The following PRPF8 variants were observed in gnomAD, a reference collection of about 807,000 sequenced individuals.
PRPF8 encodes pre-mRNA-processing-splicing factor 8.
In PRPF8, 64 loss-of-function variants were observed where a neutral mutation model predicts 285.9. That is an observed-to-expected ratio of 0.22 (90% CI 0.18 to 0.28). The LOEUF is 0.28. PRPF8 is among the 10% of genes least tolerant of loss of function. The probability of loss-of-function intolerance (pLI) is 1.00; values close to 1 mark genes in which losing one functional copy is unlikely to be tolerated. For missense variants in PRPF8, 1,426 were observed against 3,026.7 expected, an observed-to-expected ratio of 0.47 and a Z score of 12.41; for synonymous variants, 1,325 against 1,118.2, an observed-to-expected ratio of 1.18 and a Z score of -3.69.
chr17:1,667,656 G>A (rs1044972332), intron 24 of PRPF8, among the ~76,000 whole-genome samples: 5 of 148,214 alleles, frequency 3.4e-5, no homozygotes, highest in Non-Finnish European at 5.9e-5. Flanking sequence ...TGGTTCTCCT[G>A]CTTCAGTCTC....
chr17:1,675,311 C>T lies in PRPF8; in HGVS notation c.2901G>A (p.Glu967=). ...TGACATTGCACTCGCCTTCACTCGT[C>T]TCCCACACGTCCTGCAGGTTATTGA... The part of the protein sequence containing the change: ...QGINNLQDVW[E]TSEGECNVML... The change falls in exon 20 of 43, where the codon GAG becomes GAA. Residue 967 remains glutamate (E), a synonymous_variant. Transcript: ENST00000304992. This position sits in a 1 kb window ranked among gnomAD's most constrained non-coding sequence, Gnocchi z 6.0. 6.2e-7 allele frequency: 1 copy of T among 1,614,164 alleles called. No individual in the cohort carries two copies. The highest frequency in any genetic ancestry group is 8.5e-7 in the Non-Finnish European group (1 of 1,180,030).
chr17:1,660,354 C>T, intron 30 of PRPF8, 78 bp downstream of exon 30: 1 of 1,607,944 alleles, frequency 6.2e-7, no homozygotes. Flanking sequence ...CCTGAGCTGA[C>T]TCTGTACAGT....
At chr17:1,657,363 G>A (rs965621593) in intron 34 of PRPF8, among the ~76,000 whole-genome samples, 2 of 152,044 alleles carry the variant, frequency 1.3e-5, no homozygotes, top group Non-Finnish European at 2.9e-5. Context: ...ATGCGTTGCT[G>A]GGCCGGGCAC....
In PRPF8 at chr17:1,673,241, A is replaced by G. The variant is rs1912423778; in HGVS notation, c.3658-44T>C. 2 of 1,609,080 alleles carry G rather than the reference A, an allele frequency of 1.2e-6. No individual in the cohort carries two copies. The highest frequency in any genetic ancestry group is 1.3e-5 in the African/African-American group (1 of 74,830). On this transcript the variant is annotated intron_variant, in intron 23 of 42. Coordinates refer to ENST00000304992, the MANE Select transcript of PRPF8 (RefSeq NM_006445.4). The surrounding 1 kb of genome is among the most constrained non-coding windows in gnomAD (Gnocchi z 5.5). Reference sequence around the variant, plus strand: ...GTTAACATGTCCGAGGAACTCCCACAGAAGCAAGAGCCAACTGTGCCCACC... The same window carrying G: ...GTTAACATGTCCGAGGAACTCCCACGGAAGCAAGAGCCAACTGTGCCCACC...
chr17:1,673,036 G>C lies in PRPF8; in HGVS notation c.3774+45C>G, dbSNP rs757525158. The C allele has an allele frequency of 1.4e-5, 22 of 1,550,754 alleles. No individual in the cohort carries two copies. The highest frequency in any genetic ancestry group is 8.9e-7 in the Non-Finnish European group (1 of 1,122,312). ...GTGAAAGGGGTGTGAAATGAGCAGA[G>C]GACAGCAGAGGACAAGAGGGAAGCT... is the stretch of plus-strand genomic sequence containing the variant. On this transcript the variant is annotated intron_variant, in intron 24 of 42. Coordinates refer to ENST00000304992, the MANE Select transcript of PRPF8 (RefSeq NM_006445.4). This position sits in a 1 kb window ranked among gnomAD's most constrained non-coding sequence, Gnocchi z 5.5.
In PRPF8 at chr17:1,658,921, T is replaced by G. The variant is rs941204796; in HGVS notation, c.5139-158A>C. 1.3e-6 allele frequency: 1 copy of G among 742,474 alleles called. No individual in the cohort carries two copies. The highest frequency in any genetic ancestry group is 2.0e-5 in the Admixed American group (1 of 50,164). 46.0% of individuals were successfully genotyped at this position (742,474 alleles called of 1,614,324 possible). ...GCTGGAGAAGAGAATCAGTGACCCA[T>G]AGGAGGAATGGGCCACTTCCTCTCA... is the stretch of plus-strand genomic sequence containing the variant. On this transcript the variant is annotated intron_variant, in intron 32 of 42. Coordinates refer to ENST00000304992, the MANE Select transcript of PRPF8 (RefSeq NM_006445.4). This position sits in a 1 kb window ranked among gnomAD's most constrained non-coding sequence, Gnocchi z 4.1.
In PRPF8 at chr17:1,675,716, G is replaced by A. The variant is rs767986862; in HGVS notation, c.2776C>T (p.Leu926=). 4 of 1,614,166 alleles carry A rather than the reference G, an allele frequency of 2.5e-6. No individual in the cohort carries two copies. Among genetic ancestry groups the A allele is most frequent in the Non-Finnish European group, 8.5e-7 (1 of 1,180,030 alleles). ...CGGCGCTTGTCGGCTTCATACCACA[G>A]GTACTGGTCCAGGTAAGCATCAGTT... ...KITDAYLDQY[L]WYEADKRRLF... The change falls in exon 19 of 43, where the codon CTG becomes TTG. Residue 926 remains leucine, a synonymous_variant. Coordinates refer to ENST00000304992, the MANE Select transcript of PRPF8 (RefSeq NM_006445.4). This position sits in a 1 kb window ranked among gnomAD's most constrained non-coding sequence, Gnocchi z 6.0.
intron 24 of PRPF8, among the ~76,000 whole-genome samples, chr17:1,666,150 G>A (rs148952782): frequency 5.7e-4 from 85 of 149,556 alleles, no homozygotes; most frequent in African/African-American, 2.1e-3. Flanking sequence ...TGAGTGACAG[G>A]GCGAGACTCT....
chr17:1,664,886 G>A (rs1029823292), intron 24 of PRPF8, among the ~76,000 whole-genome samples: 20 of 152,040 alleles, frequency 1.3e-4, no homozygotes, highest in Admixed American at 9.8e-4. Context: ...GGCCGGGCAC[G>A]ATGGCTCATA....
rs1250301279 is a variant in PRPF8, at chr17:1,653,244, G to A, written c.6369+298C>T. ...CATTAGCCACTGTGCCCAGCCGAGT[G>A]TTGGGATTACAGGCATGAGCCAGCA... On this transcript the variant is annotated intron_variant, in intron 39 of 42. Transcript: ENST00000304992. The surrounding 1 kb of genome is among the most constrained non-coding windows in gnomAD (Gnocchi z 4.9). 3.8e-6 allele frequency: 2 copies of A among 531,832 alleles called. No individual in the cohort carries two copies. The highest frequency in any genetic ancestry group is 6.8e-6 in the Non-Finnish European group (2 of 293,564). 32.9% of individuals were successfully genotyped at this position (531,832 alleles called of 1,614,324 possible).
rs1911669758 is a variant in PRPF8 at position 1,661,413 on chromosome 17, A to G, written c.4203-7T>C. ...GTCTTCTAAAGTCAGGCGTCTTCCA[A>G]AAAAAGAAAGATTCAAGTCAAAACG... On this transcript the variant is annotated splice_polypyrimidine_tract_variant and splice_region_variant and intron_variant, in intron 26 of 42. Transcript: ENST00000304992. This position sits in a 1 kb window ranked among gnomAD's most constrained non-coding sequence, Gnocchi z 7.3. 6.2e-7 allele frequency: 1 copy of G among 1,614,032 alleles called. No homozygotes were observed. The highest frequency in any genetic ancestry group is 1.7e-5 in the Admixed American group (1 of 59,988).
chr17:1,671,322 TTC>T (rs1277368476), intron 24 of PRPF8, among the ~76,000 whole-genome samples: 2 of 152,156 alleles, frequency 1.3e-5, no homozygotes, highest in Admixed American at 1.3e-4. Context: ...AGCTGAAACT[TTC>T]TGAGTCCCAA....
chr17:1,679,443 C>A lies in PRPF8; in HGVS notation c.1290-33G>T, dbSNP rs750936319. 2.7e-5 allele frequency: 44 copies of A among 1,611,754 alleles called. No individual in the cohort carries two copies. The highest frequency in any genetic ancestry group is 3.4e-5 in the Non-Finnish European group (40 of 1,179,992). On this transcript the variant is annotated intron_variant, in intron 9 of 42. Transcript: ENST00000304992. This position sits in a 1 kb window ranked among gnomAD's most constrained non-coding sequence, Gnocchi z 4.7. Reference sequence around the variant, plus strand: ...AATAAGCCCACCAGAGTTTGGCCATCTCTTCTTCCAGACACTCTGCTAAAG... The same window carrying A: ...AATAAGCCCACCAGAGTTTGGCCATATCTTCTTCCAGACACTCTGCTAAAG...
chr17:1,667,202 A>T (rs1340283750), intron 24 of PRPF8, among the ~76,000 whole-genome samples: 1 of 151,410 alleles, frequency 6.6e-6, no homozygotes, highest in Non-Finnish European at 1.5e-5. Context: ...AGGGGCCAGG[A>T]TAGGCTAGAT....
chr17:1,682,367 ACATGTT>A (rs1912976034), intron 3 of PRPF8, 74 bp from the exon 4 acceptor site: 1 of 1,548,076 alleles, frequency 6.5e-7, no homozygotes, highest in African/African-American at 1.4e-5. Flanking sequence ...CAGAGAAGCC[ACATGTT>A]CATGTTCCAC....
At chr17:1,684,609 C>T in intron 1 of PRPF8, 27 bp from the exon 2 acceptor site, 1 of 1,604,920 alleles carries the variant, frequency 6.2e-7, no homozygotes, top group Non-Finnish European at 8.5e-7. Flanking sequence ...TAGAAAAATT[C>T]ACTAACCACA....
chr17:1,669,452 A>C (rs561005954), intron 24 of PRPF8, among the ~76,000 whole-genome samples: 24 of 152,108 alleles, frequency 1.6e-4, no homozygotes, highest in Non-Finnish European at 3.2e-4. Flanking sequence ...GGGCTCCTTA[A>C]TTAAAACACG....
chr17:1,653,870 C>T lies in PRPF8; in HGVS notation c.6134G>A (p.Arg2045His). ...EQSQLTATQTRTVNKHGDEII... is the reference protein window; with the variant it reads ...EQSQLTATQTHTVNKHGDEII... ...CTCATCGCCATGCTTGTTGACAGTG[C>T]GAGTCTGTGTTGCCGTCAGCTGCGA... The change falls in exon 38 of 43, where the codon CGC becomes CAC. Residue 2045 changes from arginine (R) to histidine (H), a missense_variant. Coordinates refer to ENST00000304992, the MANE Select transcript of PRPF8 (RefSeq NM_006445.4). The surrounding 1 kb of genome is among the most constrained non-coding windows in gnomAD (Gnocchi z 4.9). 6.2e-7 allele frequency: 1 copy of T among 1,614,084 alleles called. No homozygotes were observed. The highest frequency in any genetic ancestry group is 8.5e-7 in the Non-Finnish European group (1 of 1,180,026).
chr17:1,677,489 AG>A, intron 14 of PRPF8, 75 bp downstream of exon 14: 2 of 1,602,152 alleles, frequency 1.2e-6, no homozygotes, highest in South Asian at 2.2e-5. Context: ...ATACAAGAGC[AG>A]GGAACAGACT....
Sources: gnomAD v4.1 joint callset for allele counts (sites outside exome capture counted in the v4.1 genomes callset) on GRCh38, gnomAD v4.1.1 for gene constraint, Gnocchi (gnomAD v3.1) non-coding constraint, MANE v1.5 for transcripts, NCBI Gene and HGNC (gene_info 2026-07-23, HGNC 2026-07-21) for gene names.